Variants in R3HCC1L observed in about 807,000 individuals in gnomAD.
R3HCC1L encodes the protein coiled-coil domain-containing protein R3HCC1L.
A neutral mutation model predicts 59.9 loss-of-function variants in R3HCC1L; 51 were observed. The ratio of observed to expected loss-of-function variants is 0.85; its 90% CI spans 0.68 to 1.07. R3HCC1L has a LOEUF of 1.07. Ranked by LOEUF, R3HCC1L falls within the 50% of genes least tolerant of loss-of-function variation. The probability of loss-of-function intolerance (pLI) is 0.00; values close to 1 mark genes in which losing one functional copy is unlikely to be tolerated. For missense variants in R3HCC1L, 965 were observed against 933.0 expected, an observed-to-expected ratio of 1.03 and a Z score of -0.45; for synonymous variants, 322 against 315.2, an observed-to-expected ratio of 1.02 and a Z score of -0.23.
At chr10:98,239,899 T>C (rs563738037) in intron 9 of R3HCC1L, among the ~76,000 whole-genome samples, 31 of 152,252 alleles carry the variant, frequency 2.0e-4, no homozygotes, top group African/African-American at 7.2e-4. Flanking sequence ...TCTCTCTGTG[T>C]TGCCTAGGCT....
intron 7 of R3HCC1L, 119 bp from the exon 8 acceptor site, chr10:98,235,306 C>G (rs1210084258): frequency 6.1e-6 from 5 of 816,858 alleles, no homozygotes; most frequent in Admixed American, 2.6e-5. Context: ...TTAGATCTGT[C>G]TCTTTTGCTT....
intron 4 of R3HCC1L, among the ~76,000 whole-genome samples, chr10:98,197,663 CAA>C (rs1232849232): frequency 6.6e-6 from 1 of 152,006 alleles, no homozygotes; most frequent in Non-Finnish European, 1.5e-5. Context: ...TATTTAGTAA[CAA>C]ATGCAGTGCA....
intron 1 of R3HCC1L, among the ~76,000 whole-genome samples, chr10:98,146,819 G>A (rs2133943535): frequency 6.6e-6 from 1 of 152,226 alleles, no homozygotes; most frequent in East Asian, 1.9e-4. Context: ...GGACACTTAG[G>A]TTGATTTCAT....
rs74874612 is a variant in R3HCC1L at position 98,244,359 on chromosome 10, A to G, written c.*201A>G. Reference sequence around the variant, plus strand: ...AAATGCAGTTCTTTGGAATCACCCTACTGTGGTGGGCGTAGTAGGGAGCCA... The same window carrying G: ...AAATGCAGTTCTTTGGAATCACCCTGCTGTGGTGGGCGTAGTAGGGAGCCA... On this transcript the variant is annotated 3_prime_UTR_variant, in exon 10 of 10. Coordinates refer to ENST00000298999, the MANE Select transcript of R3HCC1L (RefSeq NM_001351015.2). 4,364 of 500,958 alleles carry G rather than the reference A, an allele frequency of 8.7e-3. 139 individuals carry two copies. The highest frequency in any genetic ancestry group is 0.075 in the African/African-American group (3,872 of 51,748). The allele number at this position is 500,958 out of a possible 1,614,324, so 31.0% of individuals were successfully genotyped here.
chr10:98,198,955 CAAAT>C (rs1447844860), intron 4 of R3HCC1L, among the ~76,000 whole-genome samples: 2 of 152,060 alleles, frequency 1.3e-5, no homozygotes, highest in African/African-American at 4.8e-5. Context: ...CAAAAATAAA[CAAAT>C]GAAGTTAATT....
chr10:98,188,791 T>G (rs1850514638), intron 4 of R3HCC1L, among the ~76,000 whole-genome samples: 1 of 152,022 alleles, frequency 6.6e-6, no homozygotes, highest in South Asian at 2.1e-4. Flanking sequence ...AGCACAGACA[T>G]TGGTCTCAGA....
In R3HCC1L at chr10:98,185,928, G is replaced by A. The variant is rs1237857600; in HGVS notation, c.-14-22173G>A. ...CATTTGTATGTGTTGTTTTAACTTGGAGTAGTAGCATTAGAGATAGGGACA... is the reference window on the plus strand; with the variant it reads ...CATTTGTATGTGTTGTTTTAACTTGAAGTAGTAGCATTAGAGATAGGGACA... On this transcript the variant is annotated intron_variant, in intron 4 of 9. Transcript: ENST00000298999. Among the ~76,000 whole-genome samples, 3 of 152,184 alleles carry A rather than the reference G, an allele frequency of 2.0e-5. No individual in the cohort carries two copies. In the East Asian group the frequency reaches 5.8e-4, roughly 29 times the overall value.
In R3HCC1L at chr10:98,208,870, A is replaced by T. The variant is rs530861498; in HGVS notation, c.756A>T (p.Thr252=). ...DSEIVQQSMQ[T]SDGILNPSSG... ...AAATTGTACAACAAAGCATGCAAAC[A>T]TCAGATGGAATATTGAATCCCAGCA... The change falls in exon 5 of 10, where the codon ACA becomes ACT. Residue 252 remains threonine (T), a synonymous_variant. Coordinates refer to ENST00000298999, the MANE Select transcript of R3HCC1L (RefSeq NM_001351015.2). 6.2e-7 allele frequency: 1 copy of T among 1,614,160 alleles called. No homozygotes were observed. Among genetic ancestry groups the T allele is most frequent in the Non-Finnish European group, 8.5e-7 (1 of 1,180,014 alleles).
At chr10:98,152,076 C>T (rs1291400128) in intron 1 of R3HCC1L, among the ~76,000 whole-genome samples, 2 of 152,212 alleles carry the variant, frequency 1.3e-5, no homozygotes, top group Non-Finnish European at 2.9e-5. Context: ...CCTCAGCCTG[C>T]CGAGTGCCTG....
rs547864014 is a variant in R3HCC1L at position 98,219,447 on chromosome 10, C to T, written c.1785+9548C>T. Among the ~76,000 whole-genome samples the T allele has an allele frequency of 2.6e-4, 39 of 152,236 alleles. No homozygotes were observed. The South Asian group carries it at 7.9e-3, about 31-fold the overall frequency. On this transcript the variant is annotated intron_variant, in intron 5 of 9. Transcript: ENST00000298999. The stretch of plus-strand genomic sequence containing the variant: ...ATTTAACCCATGTACATTCATGGTT[C>T]CTTATTGATAGGTAAGGACTTATTC...
intron 5 of R3HCC1L, among the ~76,000 whole-genome samples, chr10:98,226,267 C>T (rs1169797478): frequency 2.0e-5 from 3 of 152,098 alleles, no homozygotes; most frequent in Admixed American, 2.0e-4. Flanking sequence ...TTGGGTTTTG[C>T]AAAGTAACTC....
chr10:98,176,583 C>G (rs1387047118), intron 4 of R3HCC1L, among the ~76,000 whole-genome samples: 1 of 152,050 alleles, frequency 6.6e-6, no homozygotes, highest in Non-Finnish European at 1.5e-5. Flanking sequence ...GCTAAACTTA[C>G]TTAGTTCTGG....
intron 5 of R3HCC1L, among the ~76,000 whole-genome samples, chr10:98,222,574 G>C (rs1042869739): frequency 6.6e-6 from 1 of 152,068 alleles, no homozygotes; most frequent in East Asian, 1.9e-4. Context: ...AATTTATTGG[G>C]AGTTTTTAGC....
In R3HCC1L at chr10:98,186,847, T is replaced by G. The variant is rs80272595; in HGVS notation, c.-14-21254T>G. On this transcript the variant is annotated intron_variant, in intron 4 of 9. Coordinates refer to ENST00000298999, the MANE Select transcript of R3HCC1L (RefSeq NM_001351015.2). ...GTTAGGCAGTCATGATTTAGAAATT[T>G]TTTGCTTTTTTGGGGGTGTACTGTG... is the stretch of plus-strand genomic sequence containing the variant. Among the ~76,000 whole-genome samples the G allele has an allele frequency of 9.9e-4, 151 of 152,170 alleles. 2 individuals carry two copies. The East Asian group carries it at 0.018, about 18-fold the overall frequency.
At position 98,214,372 on chromosome 10, in the gene R3HCC1L, G is replaced by A. The variant is rs554687976; in HGVS notation, c.1785+4473G>A. Among the ~76,000 whole-genome samples the A allele has an allele frequency of 2.0e-5, 3 of 152,190 alleles. No individual in the cohort carries two copies. In the South Asian group the frequency reaches 6.2e-4, roughly 32 times the overall value. On this transcript the variant is annotated intron_variant, in intron 5 of 9. Transcript: ENST00000298999. ...GGTTAGGGCATTTTTTAATTTGTCA[G>A]GGTATATATATAGTAAATCATAAAA...
At chr10:98,156,406 A>G (rs1208587045) in intron 2 of R3HCC1L, among the ~76,000 whole-genome samples, 1 of 152,148 alleles carries the variant, frequency 6.6e-6, no homozygotes, top group Non-Finnish European at 1.5e-5. Context: ...TTACCATCCT[A>G]GAGTCCCATT....
chr10:98,232,500 T>G (rs1200687986), intron 6 of R3HCC1L, among the ~76,000 whole-genome samples: 1 of 152,230 alleles, frequency 6.6e-6, no homozygotes, highest in Admixed American at 6.5e-5. Context: ...TTTGTATATT[T>G]AGCTTATAAG....
At position 98,208,199 on chromosome 10, in the gene R3HCC1L, G is replaced by A; in HGVS notation, c.85G>A (p.Val29Ile). Residue 29 changes from valine to isoleucine, a missense_variant, in exon 5 of 10, where the codon GTA (valine) becomes ATA (isoleucine). Transcript: ENST00000298999. ...TGTACCTAAAGCTCGTAGGGGTGCAGTACTCCTTAAGACAGGTGATGAAGA... is the reference window on the plus strand; with the variant it reads ...TGTACCTAAAGCTCGTAGGGGTGCAATACTCCTTAAGACAGGTGATGAAGA... ...LYVPKARRGA[V>I]LLKTGDEEES... 1 of 1,614,086 alleles carries A rather than the reference G, an allele frequency of 6.2e-7. No homozygotes were observed. Among genetic ancestry groups the A allele is most frequent in the Non-Finnish European group, 8.5e-7 (1 of 1,180,028 alleles).
chr10:98,205,642 G>A (rs1033546742), intron 4 of R3HCC1L, among the ~76,000 whole-genome samples: 1 of 152,082 alleles, frequency 6.6e-6, no homozygotes, highest in Non-Finnish European at 1.5e-5. Context: ...TGGCACAGTC[G>A]AAATCATTGC....
Sources: gnomAD v4.1 joint callset for allele counts (sites outside exome capture counted in the v4.1 genomes callset) on GRCh38, gnomAD v4.1.1 for gene constraint, MANE v1.5 for transcripts, NCBI Gene and HGNC (gene_info 2026-07-23, HGNC 2026-07-21) for gene names.